Variants in MSH3 observed in about 807,000 individuals in gnomAD.
MSH3 encodes the protein mutS homolog 3.
MSH3 carries 106 observed loss-of-function variants against 123.3 expected under a neutral mutation model. That is an observed-to-expected ratio of 0.86 (90% CI 0.73 to 1.01). MSH3 has a LOEUF of 1.01. Ranked by LOEUF, MSH3 falls within the 50% of genes least tolerant of loss-of-function variation. The pLI is 0.00. For missense variants in MSH3, 1,459 were observed against 1,347.6 expected (o/e 1.08, Z -1.29); for synonymous variants, 515 against 481.4 (o/e 1.07, Z -0.91).
chr5:80,711,421 G>A (rs1337843557), intron 8 of MSH3, among the ~76,000 whole-genome samples: 1 of 152,166 alleles, frequency 6.6e-6, no homozygotes, highest in Non-Finnish European at 1.5e-5. Flanking sequence ...GGTAAGGAGG[G>A]GTTTTTTGGG....
rs570652386 is a variant in MSH3, at chr5:80,658,642, G to A, written c.358+2111G>A. Among the ~76,000 whole-genome samples, 10 of 152,256 alleles carry A rather than the reference G, an allele frequency of 6.6e-5. No homozygotes were observed. In the South Asian group the frequency reaches 1.9e-3, roughly 28 times the overall value. On this transcript the variant is annotated intron_variant, in intron 2 of 23. Transcript: ENST00000265081. ...CAGGTCTTACTCTGTCATCCAGGCT[G>A]GAGTGTAGTGGCAGGGTCATTGCTC... is the stretch of plus-strand genomic sequence containing the variant.
intron 8 of MSH3, among the ~76,000 whole-genome samples, chr5:80,712,513 T>C (rs1750880474): frequency 6.6e-6 from 1 of 152,148 alleles, no homozygotes; most frequent in Admixed American, 6.5e-5. Flanking sequence ...GCAGTTGTTG[T>C]TTTTCAGCCA....
At chr5:80,655,528 T>C (rs1302280449) in intron 1 of MSH3, 7 of 194,088 alleles carry the variant, frequency 3.6e-5, no homozygotes, top group Non-Finnish European at 7.5e-5. Context: ...TAGGATGGTA[T>C]AGATGTGACT....
chr5:80,859,665 G>T (rs1179357550), intron 21 of MSH3, among the ~76,000 whole-genome samples: 1 of 146,056 alleles, frequency 6.8e-6, no homozygotes, highest in African/African-American at 2.5e-5. Flanking sequence ...CTGTTTTTCT[G>T]TCTTATGTGG....
intron 12 of MSH3, among the ~76,000 whole-genome samples, chr5:80,745,976 T>G (rs1743712058): frequency 6.6e-6 from 1 of 152,164 alleles, no homozygotes. Context: ...CTTTTTCTTT[T>G]GCAAGTTTTT....
At chr5:80,822,218 C>A (rs1328557953) in intron 20 of MSH3, among the ~76,000 whole-genome samples, 1 of 152,158 alleles carries the variant, frequency 6.6e-6, no homozygotes, top group Non-Finnish European at 1.5e-5. Flanking sequence ...AAGTACTGTG[C>A]CATAGTCAAG....
chr5:80,687,417 T>C (rs911119975), intron 8 of MSH3, among the ~76,000 whole-genome samples: 2 of 152,254 alleles, frequency 1.3e-5, no homozygotes, highest in Non-Finnish European at 2.9e-5. Context: ...GGAAACTGAC[T>C]TTTCAGGTGA....
chr5:80,841,770 A>T (rs2112091516), intron 20 of MSH3, among the ~76,000 whole-genome samples: 1 of 151,944 alleles, frequency 6.6e-6, no homozygotes, highest in East Asian at 1.9e-4. Context: ...TTTTCTTGTA[A>T]ATTTGTTTAA....
intron 18 of MSH3, among the ~76,000 whole-genome samples, chr5:80,788,285 A>T (rs564918421): frequency 1.3e-5 from 2 of 152,184 alleles, no homozygotes; most frequent in Admixed American, 6.5e-5. Context: ...AATACAAAAA[A>T]AATTAGCCGG....
intron 8 of MSH3, among the ~76,000 whole-genome samples, chr5:80,705,929 T>A (rs1417861469): frequency 6.6e-6 from 1 of 152,208 alleles, no homozygotes; most frequent in Non-Finnish European, 1.5e-5. Context: ...GGGTGTGGAC[T>A]TCCACATTTG....
At chr5:80,818,517 CA>C in intron 20 of MSH3, among the ~76,000 whole-genome samples, 1 of 151,016 alleles carries the variant, frequency 6.6e-6, no homozygotes, top group East Asian at 2.0e-4. Flanking sequence ...AATCCTGACT[CA>C]AACACATAAA....
rs1580546648 is a variant in MSH3 at position 80,665,243 on chromosome 5, A to G, written c.459A>G (p.Thr153=). 6.2e-7 allele frequency: 1 copy of G among 1,613,982 alleles called. No individual in the cohort carries two copies. The highest frequency in any genetic ancestry group is 8.5e-7 in the Non-Finnish European group (1 of 1,179,856). ...DSALPQSRVQ[T]ESLQERFAVL... Reference sequence around the variant, plus strand: ...CCCTTCCTCAAAGTAGAGTCCAGACAGAATCTCTGCAGGAGAGATTTGCAG... The same window carrying G: ...CCCTTCCTCAAAGTAGAGTCCAGACGGAATCTCTGCAGGAGAGATTTGCAG... Residue 153 remains threonine (T), a synonymous_variant, in exon 3 of 24, where the codon ACA becomes ACG. Coordinates refer to ENST00000265081, the MANE Select transcript of MSH3 (RefSeq NM_002439.5).
chr5:80,745,233 C>T (rs1318892069), intron 12 of MSH3, among the ~76,000 whole-genome samples: 2 of 152,096 alleles, frequency 1.3e-5, no homozygotes, highest in Non-Finnish European at 2.9e-5. Context: ...GTGTCCAGCC[C>T]CCATAGATTG....
intron 20 of MSH3, among the ~76,000 whole-genome samples, chr5:80,838,003 G>A (rs1745547794): frequency 6.6e-6 from 1 of 152,210 alleles, no homozygotes; most frequent in Admixed American, 6.5e-5. Context: ...AGATCACATG[G>A]CCCTCTCAAC....
intron 13 of MSH3, among the ~76,000 whole-genome samples, chr5:80,763,348 T>A (rs1485235132): frequency 6.6e-6 from 1 of 152,204 alleles, no homozygotes; most frequent in African/African-American, 2.4e-5. Flanking sequence ...GAAATACTGA[T>A]CCTGGGGAGA....
At chr5:80,659,518 T>C (rs1266116453) in intron 2 of MSH3, among the ~76,000 whole-genome samples, 1 of 148,296 alleles carries the variant, frequency 6.7e-6, no homozygotes, top group Non-Finnish European at 1.5e-5. Context: ...CTTTGGTGTC[T>C]GGTTTCTTGC....
intron 2 of MSH3, among the ~76,000 whole-genome samples, chr5:80,660,980 A>G (rs187253): frequency 0.75 from 113,389 of 152,054 alleles, 42,813 homozygotes; most frequent in African/African-American, 0.89. Context: ...TGTATTTTTA[A>G]TAGAGATGGG....
chr5:80,875,607 C>A, intron 23 of MSH3, 144 bp from the exon 24 acceptor site: 1 of 610,606 alleles, frequency 1.6e-6, no homozygotes, highest in Admixed American at 2.9e-5. Flanking sequence ...GCTCCTTTCA[C>A]TGGAAGGGTG....
At chr5:80,745,078 G>A (rs1478757477) in intron 12 of MSH3, among the ~76,000 whole-genome samples, 1 of 152,188 alleles carries the variant, frequency 6.6e-6, no homozygotes, top group African/African-American at 2.4e-5. Context: ...AGAGGGGTTA[G>A]GTGTGAAATG....
Sources: gnomAD v4.1 joint callset for allele counts (sites outside exome capture counted in the v4.1 genomes callset) on GRCh38, gnomAD v4.1.1 for gene constraint, MANE v1.5 for transcripts, NCBI Gene and HGNC (gene_info 2026-07-23, HGNC 2026-07-21) for gene names.